Variants in CABCOCO1 observed in about 807,000 individuals in gnomAD.
CABCOCO1 encodes the protein ciliary-associated calcium-binding coiled-coil protein 1.
CABCOCO1 carries 28 observed loss-of-function variants against 35.7 expected under a neutral mutation model. The ratio of observed to expected loss-of-function variants is 0.78; its 90% CI spans 0.58 to 1.07. The LOEUF is 1.07. Ranked by LOEUF, CABCOCO1 falls within the 50% of genes least tolerant of loss-of-function variation. The probability of loss-of-function intolerance (pLI) is 0.00; values close to 1 mark genes in which losing one functional copy is unlikely to be tolerated. For synonymous variants in CABCOCO1, 95 were observed against 100.1 expected, an observed-to-expected ratio of 0.95 and a Z score of 0.30; for missense variants, 326 against 309.2, an observed-to-expected ratio of 1.05 and a Z score of -0.41.
intron 5 of CABCOCO1, among the ~76,000 whole-genome samples, chr10:61,730,026 ATGATGTAT>A (rs1258905925): frequency 6.6e-6 from 1 of 152,124 alleles, no homozygotes; most frequent in Non-Finnish European, 1.5e-5. Context: ...ACAGTCAATA[ATGATGTAT>A]TGTAGACTTA....
chr10:61,720,040 C>A (rs750676229), intron 5 of CABCOCO1, among the ~76,000 whole-genome samples: 1 of 151,842 alleles, frequency 6.6e-6, no homozygotes, highest in Non-Finnish European at 1.5e-5. Context: ...ATAGGACTGC[C>A]GTCTCTGAAG....
At chr10:61,694,845 T>A (rs983440122) in intron 5 of CABCOCO1, among the ~76,000 whole-genome samples, 7 of 152,178 alleles carry the variant, frequency 4.6e-5, no homozygotes, top group Middle Eastern at 6.8e-3. Context: ...GCAGGTAGCA[T>A]GTTGGGTCTG....
intron 1 of CABCOCO1, among the ~76,000 whole-genome samples, chr10:61,666,566 G>C (rs78134510): frequency 0.012 from 1,866 of 152,196 alleles, 14 homozygotes; most frequent in Non-Finnish European, 0.021. Flanking sequence ...TGGGTTTACT[G>C]TCTTATTTAA....
rs183669423 is a variant in CABCOCO1 at position 61,752,810 on chromosome 10, C to T, written c.553-7249C>T. On this transcript the variant is annotated intron_variant, in intron 5 of 7. Transcript: ENST00000648843. ...AGCACCAAAGCTTTTTATTTCTAAA[C>T]GAATATGGTTTTAAGAAGCTTAGCC... Among the ~76,000 whole-genome samples, 22 of 152,208 alleles carry T rather than the reference C, an allele frequency of 1.4e-4. No individual in the cohort carries two copies. The East Asian group carries it at 3.1e-3, about 21-fold the overall frequency.
Position 61,766,153 on chromosome 10 carries a change from A to T in CABCOCO1, c.*140A>T. On this transcript the variant is annotated 3_prime_UTR_variant, in exon 8 of 8. Coordinates refer to ENST00000648843, the MANE Select transcript of CABCOCO1 (RefSeq NM_001366906.2). ...AGCCCCACTTTTTATTTTCCTAAGT[A>T]ATTAGAAAAGTATTGGTCCCAATTT... 3.9e-6 allele frequency: 3 copies of T among 764,466 alleles called. No individual in the cohort carries two copies. Among genetic ancestry groups the T allele is most frequent in the Non-Finnish European group, 6.1e-6 (3 of 491,022 alleles). 47.4% of individuals were successfully genotyped at this position (764,466 alleles called of 1,614,324 possible). A position where few individuals can be genotyped will look rare whatever the true frequency, so the allele number is the denominator to read the frequency against.
At chr10:61,666,801 G>A (rs1839187502) in intron 1 of CABCOCO1, among the ~76,000 whole-genome samples, 1 of 150,344 alleles carries the variant, frequency 6.7e-6, no homozygotes, top group South Asian at 2.1e-4. Flanking sequence ...TCTTCCCATT[G>A]AGAACAGACT....
chr10:61,701,835 G>A (rs1304195935), intron 5 of CABCOCO1: 2 of 960,648 alleles, frequency 2.1e-6, no homozygotes, highest in East Asian at 2.3e-4. Context: ...AAAAGATTCA[G>A]AGTGGATATA....
chr10:61,723,253 C>G (rs1841065902), intron 5 of CABCOCO1, among the ~76,000 whole-genome samples: 3 of 152,138 alleles, frequency 2.0e-5, no homozygotes, highest in Admixed American at 2.0e-4. Context: ...TCTTGATAAA[C>G]ACTAAAAAAG....
At chr10:61,705,177 AC>A (rs1215441784) in intron 5 of CABCOCO1, among the ~76,000 whole-genome samples, 1 of 152,198 alleles carries the variant, frequency 6.6e-6, no homozygotes, top group Non-Finnish European at 1.5e-5. Flanking sequence ...CTTATCTGGT[AC>A]CTGAGCGAGA....
intron 1 of CABCOCO1, among the ~76,000 whole-genome samples, chr10:61,668,703 T>C (rs545716494): frequency 1.3e-5 from 2 of 152,120 alleles, no homozygotes; most frequent in Non-Finnish European, 2.9e-5. Context: ...CTTTTACTTA[T>C]TTTTCTTTCA....
At chr10:61,678,234 C>T (rs1839585172) in intron 2 of CABCOCO1, among the ~76,000 whole-genome samples, 1 of 152,074 alleles carries the variant, frequency 6.6e-6, no homozygotes, top group African/African-American at 2.4e-5. Flanking sequence ...CTGCGTATTC[C>T]ACTGGCCTAC....
At chr10:61,720,549 G>C (rs1840979699) in intron 5 of CABCOCO1, among the ~76,000 whole-genome samples, 1 of 152,156 alleles carries the variant, frequency 6.6e-6, no homozygotes, top group Non-Finnish European at 1.5e-5. Flanking sequence ...AAATAAAAAC[G>C]ACAGGAATGG....
chr10:61,729,556 G>A (rs1474632036), intron 5 of CABCOCO1, among the ~76,000 whole-genome samples: 1 of 152,078 alleles, frequency 6.6e-6, no homozygotes, highest in Non-Finnish European at 1.5e-5. Flanking sequence ...ACAGTATGGA[G>A]GTTCCTCAGA....
intron 5 of CABCOCO1, among the ~76,000 whole-genome samples, chr10:61,748,977 G>A (rs1432451138): frequency 1.3e-5 from 2 of 152,082 alleles, no homozygotes; most frequent in Non-Finnish European, 2.9e-5. Context: ...ATTCACCCAG[G>A]TTTGACTTTA....
intron 1 of CABCOCO1, among the ~76,000 whole-genome samples, chr10:61,665,158 T>C (rs1469283637): frequency 2.6e-5 from 4 of 152,206 alleles, no homozygotes; most frequent in African/African-American, 9.7e-5. Flanking sequence ...ATTATCCCAA[T>C]AACATAGTAG....
At chr10:61,704,496 C>T (rs904971101) in intron 5 of CABCOCO1, among the ~76,000 whole-genome samples, 6 of 152,178 alleles carry the variant, frequency 3.9e-5, no homozygotes, top group Non-Finnish European at 8.8e-5. Flanking sequence ...GCCTGAGGCC[C>T]ACCTACAGAT....
chr10:61,677,183 T>C (rs1180023900), intron 2 of CABCOCO1, among the ~76,000 whole-genome samples: 1 of 152,154 alleles, frequency 6.6e-6, no homozygotes, highest in East Asian at 1.9e-4. Context: ...CTGTGTGGTC[T>C]TGATGAAAGA....
intron 2 of CABCOCO1, 85 bp from the exon 3 acceptor site, chr10:61,681,058 A>G: frequency 1.2e-6 from 1 of 845,794 alleles, no homozygotes; most frequent in Non-Finnish European, 1.6e-6. Flanking sequence ...GGCATTAAAG[A>G]AAAAGACCTG....
rs778744307 is a variant in CABCOCO1 at position 61,681,196 on chromosome 10, C to G, written c.218C>G (p.Ala73Gly). ...FKNLETCLKD[A>G]ILLDYYVSGF... ...AACCTTGAAACTTGTTTAAAGGATG[C>G]CATTCTACTAGATTATTATGTATCT... The change falls in exon 3 of 8, where the codon GCC (alanine) becomes GGC (glycine). Residue 73 changes from alanine (A) to glycine (G), a missense_variant. Ala to Gly is a moderately conservative substitution (Grantham distance 60). Coordinates refer to ENST00000648843, the MANE Select transcript of CABCOCO1 (RefSeq NM_001366906.2). The G allele has an allele frequency of 6.6e-7, 1 of 1,515,284 alleles. No individual in the cohort carries two copies. The highest frequency in any genetic ancestry group is 2.2e-5 in the Admixed American group (1 of 45,310). The allele number at this position is 1,515,284 out of a possible 1,614,324, so 93.9% of individuals were successfully genotyped here. A position where few individuals can be genotyped will look rare whatever the true frequency, so the allele number is the denominator to read the frequency against.
Sources: gnomAD v4.1 joint callset for allele counts (sites outside exome capture counted in the v4.1 genomes callset) on GRCh38, gnomAD v4.1.1 for gene constraint, MANE v1.5 for transcripts, NCBI Gene and HGNC (gene_info 2026-07-23, HGNC 2026-07-21) for gene names.